SLIT3: variants seen among roughly 807,000 people sequenced by gnomAD.
The protein encoded by SLIT3 is slit homolog 3 protein.
A neutral mutation model predicts 184.0 loss-of-function variants in SLIT3; 68 were observed. That is an observed-to-expected ratio of 0.37 (90% CI 0.30 to 0.45). The LOEUF is 0.45. SLIT3 is among the 20% of genes least tolerant of loss of function. The probability of loss-of-function intolerance (pLI) is 1.00; values close to 1 mark genes in which losing one functional copy is unlikely to be tolerated. For synonymous variants in SLIT3, 831 were observed against 828.6 expected, an observed-to-expected ratio of 1.00 and a Z score of -0.05; for missense variants, 1,707 against 2,026.0, an observed-to-expected ratio of 0.84 and a Z score of 3.02.
intron 4 of SLIT3, among the ~76,000 whole-genome samples, chr5:169,059,978 T>C (rs1426534984): frequency 6.6e-6 from 1 of 152,236 alleles, no homozygotes; most frequent in Non-Finnish European, 1.5e-5. Flanking sequence ...AGCTCTTTCA[T>C]CCTTTTTTGG....
intron 4 of SLIT3, among the ~76,000 whole-genome samples, chr5:169,076,926 A>C (rs969793707): frequency 5.9e-5 from 9 of 151,992 alleles, no homozygotes; most frequent in Non-Finnish European, 1.0e-4. Context: ...CACACACACA[A>C]AAATCCCTCT....
chr5:169,109,424 T>TG lies in SLIT3; in HGVS notation c.413+84054dup, dbSNP rs1301980091. Among the ~76,000 whole-genome samples the TG allele has an allele frequency of 2.0e-5, 3 of 152,318 alleles. No homozygotes were observed. In the East Asian group the frequency reaches 5.8e-4, roughly 29 times the overall value. On this transcript the variant is annotated intron_variant, in intron 4 of 35. Transcript: ENST00000519560. ...ATTCTTCCCCAGTCAAGCCTCCAGA[T>TG]GAAAATGCAGTCCAACCAACACCTC...
At chr5:169,146,454 T>C (rs1181305916) in intron 4 of SLIT3, among the ~76,000 whole-genome samples, 1 of 152,204 alleles carries the variant, frequency 6.6e-6, no homozygotes, top group Non-Finnish European at 1.5e-5. Context: ...AGGGCTTTCA[T>C]CACTTCATTT....
intron 27 of SLIT3, among the ~76,000 whole-genome samples, chr5:168,697,241 C>T (rs895928584): frequency 1.3e-5 from 2 of 152,190 alleles, no homozygotes; most frequent in East Asian, 1.9e-4. Flanking sequence ...AAGAGTGAGG[C>T]CTTCGGGTCA....
chr5:169,195,692 A>C (rs1294683994), intron 3 of SLIT3, among the ~76,000 whole-genome samples: 3 of 151,980 alleles, frequency 2.0e-5, no homozygotes, highest in African/African-American at 7.3e-5. Flanking sequence ...ATGCCTGGCT[A>C]ATTTTTGTAT....
chr5:169,001,071 T>TG (rs1300206552), intron 4 of SLIT3, among the ~76,000 whole-genome samples: 1 of 152,238 alleles, frequency 6.6e-6, no homozygotes, highest in African/African-American at 2.4e-5. Context: ...GGGAAAAAGA[T>TG]GCTTTCTGCA....
At chr5:169,117,601 G>A (rs1473951317) in intron 4 of SLIT3, among the ~76,000 whole-genome samples, 1 of 152,150 alleles carries the variant, frequency 6.6e-6, no homozygotes, top group Non-Finnish European at 1.5e-5. Context: ...GTTTGATGTG[G>A]GGAAGAGGAA....
At chr5:168,693,027 G>C (rs1475449197) in intron 28 of SLIT3, among the ~76,000 whole-genome samples, 4 of 152,178 alleles carry the variant, frequency 2.6e-5, no homozygotes, top group Non-Finnish European at 5.9e-5. Flanking sequence ...CCCTCACTTT[G>C]GGCCATGCTT....
intron 12 of SLIT3, among the ~76,000 whole-genome samples, chr5:168,780,772 T>C (rs530615114): frequency 1.3e-4 from 20 of 152,344 alleles, no homozygotes; most frequent in Admixed American, 1.2e-3. Context: ...TTAATTGTAA[T>C]AGGGACCACT....
intron 1 of SLIT3, among the ~76,000 whole-genome samples, chr5:169,264,177 A>G (rs1766311507): frequency 6.6e-6 from 1 of 152,026 alleles, no homozygotes; most frequent in Non-Finnish European, 1.5e-5. Context: ...ATTTAGCCAA[A>G]GGAAGATGCT....
At chr5:168,836,304 C>T (rs1262573454) in intron 6 of SLIT3, among the ~76,000 whole-genome samples, 1 of 152,138 alleles carries the variant, frequency 6.6e-6, no homozygotes, top group African/African-American at 2.4e-5. Flanking sequence ...ATGGGATGAG[C>T]GCTGATCTAG....
chr5:168,884,446 G>A (rs1249214520), intron 4 of SLIT3, among the ~76,000 whole-genome samples: 1 of 84,754 alleles, frequency 1.2e-5, no homozygotes, highest in African/African-American at 3.9e-5. Context: ...CACACACACA[G>A]TGCTATACAT....
At chr5:168,866,038 T>C (rs1759287420) in intron 5 of SLIT3, among the ~76,000 whole-genome samples, 1 of 152,226 alleles carries the variant, frequency 6.6e-6, no homozygotes, top group Non-Finnish European at 1.5e-5. Flanking sequence ...GAGGAAGCTC[T>C]GTGACTCTTT....
chr5:168,949,158 C>T (rs901036690), intron 4 of SLIT3, among the ~76,000 whole-genome samples: 4 of 152,218 alleles, frequency 2.6e-5, no homozygotes, highest in Admixed American at 6.5e-5. Context: ...GTGGGGTGAA[C>T]GGAGTTTCAC....
At chr5:169,141,391 G>C (rs1761730744) in intron 4 of SLIT3, among the ~76,000 whole-genome samples, 1 of 151,840 alleles carries the variant, frequency 6.6e-6, no homozygotes, top group African/African-American at 2.4e-5. Flanking sequence ...TGAGACCTCA[G>C]AGACTGTAAG....
intron 3 of SLIT3, among the ~76,000 whole-genome samples, chr5:169,229,781 C>T (rs1386018915): frequency 1.3e-5 from 2 of 152,060 alleles, no homozygotes; most frequent in Non-Finnish European, 2.9e-5. Context: ...TAGGTAATCT[C>T]ATAAGAGCCT....
chr5:168,979,905 G>T (rs75348382), intron 4 of SLIT3, among the ~76,000 whole-genome samples: 1,721 of 152,216 alleles, frequency 0.011, 31 homozygotes, highest in African/African-American at 0.04. Context: ...TTTTGCTGGG[G>T]ATCAGCAGAC....
intron 4 of SLIT3, among the ~76,000 whole-genome samples, chr5:168,945,220 T>C (rs1166301518): frequency 1.3e-5 from 2 of 151,036 alleles, no homozygotes; most frequent in Non-Finnish European, 2.9e-5. Flanking sequence ...CAAAGGAAGA[T>C]CAAAAGCTTC....
intron 3 of SLIT3, among the ~76,000 whole-genome samples, chr5:169,234,473 CT>C (rs2113559047): frequency 6.6e-6 from 1 of 152,290 alleles, no homozygotes; most frequent in East Asian, 1.9e-4. Context: ...GTGGCACAAT[CT>C]TGGCTCACCT....
Sources: gnomAD v4.1 joint callset for allele counts (sites outside exome capture counted in the v4.1 genomes callset) on GRCh38, gnomAD v4.1.1 for gene constraint, MANE v1.5 for transcripts, NCBI Gene and HGNC (gene_info 2026-07-23, HGNC 2026-07-21) for gene names.